Variants in GPATCH2 observed in about 807,000 individuals in gnomAD.
GPATCH2 encodes G patch domain-containing protein 2.
GPATCH2 carries 51 observed loss-of-function variants against 58.0 expected under a neutral mutation model. That is an observed-to-expected ratio of 0.88 (90% confidence interval 0.70 to 1.11). The LOEUF (loss-of-function observed/expected upper bound fraction) is 1.11, where lower values mean the gene tolerates loss of function less well. GPATCH2 is among the 50% of genes most tolerant of loss of function. GPATCH2 has a pLI of 0.00. For missense variants in GPATCH2, 625 were observed against 652.2 expected (o/e 0.96, Z 0.45); for synonymous variants, 222 against 218.5 (o/e 1.02, Z -0.14).
rs75407737 is a variant in GPATCH2 at position 217,528,372 on chromosome 1, G to A, written c.1099-13483C>T. 9.9e-3 allele frequency among the ~76,000 whole-genome samples: 1,507 copies of A among 152,088 alleles called. 15 individuals carry two copies. The highest frequency in any genetic ancestry group is 0.027 in the Middle Eastern group (8 of 294). ...TCCATATTTTTGCCTTTACTTCCTC[G>A]TTGCTTTCTAGATCCTGTATCAAGA... On this transcript the variant is annotated intron_variant, in intron 5 of 9. Transcript: ENST00000366935.
chr1:217,501,248 G>T (rs1662287331), intron 6 of GPATCH2, among the ~76,000 whole-genome samples: 1 of 152,110 alleles, frequency 6.6e-6, no homozygotes, highest in African/African-American at 2.4e-5. Flanking sequence ...TCTCTGAAAA[G>T]TCAGAGAAGT....
In GPATCH2 at chr1:217,444,775, A is replaced by G. The variant is rs74142462; in HGVS notation, c.1366+4474T>C. 2.5e-3 allele frequency among the ~76,000 whole-genome samples: 375 copies of G among 152,282 alleles called. 1 individual carries two copies. Among genetic ancestry groups the G allele is most frequent in the African/African-American group, 8.8e-3 (365 of 41,570 alleles). ...GTTTTAAAATCTTGAAAGAGCTACA[A>G]TAATCTACAGCAGCTATATGCACCC... On this transcript the variant is annotated intron_variant, in intron 9 of 9. Coordinates refer to ENST00000366935, the MANE Select transcript of GPATCH2 (RefSeq NM_018040.5).
chr1:217,569,208 C>A (rs1553342753), intron 5 of GPATCH2, among the ~76,000 whole-genome samples: 1 of 151,722 alleles, frequency 6.6e-6, no homozygotes, highest in Non-Finnish European at 1.5e-5. Context: ...TTTGGGGACA[C>A]ATGTTTTTAA....
At chr1:217,547,431 A>G (rs907903978) in intron 5 of GPATCH2, among the ~76,000 whole-genome samples, 1 of 152,158 alleles carries the variant, frequency 6.6e-6, no homozygotes, top group Admixed American at 6.5e-5. Context: ...GCGGGAGTGT[A>G]AATTAGTTCA....
chr1:217,594,705 T>C (rs1438174169), intron 5 of GPATCH2, among the ~76,000 whole-genome samples: 1 of 152,206 alleles, frequency 6.6e-6, no homozygotes, highest in Non-Finnish European at 1.5e-5. Context: ...ATGATTATAA[T>C]TGTTATAAAA....
At chr1:217,620,749 C>T (rs1242649628) in intron 1 of GPATCH2, among the ~76,000 whole-genome samples, 2 of 152,078 alleles carry the variant, frequency 1.3e-5, no homozygotes, top group Non-Finnish European at 2.9e-5. Context: ...AATGAAAGAT[C>T]CCAGTATTTT....
intron 5 of GPATCH2, among the ~76,000 whole-genome samples, chr1:217,594,701 A>G (rs954987649): frequency 2.0e-5 from 3 of 152,238 alleles, no homozygotes; most frequent in African/African-American, 7.2e-5. Context: ...ATTCATGATT[A>G]TAATTGTTAT....
At chr1:217,464,542 T>G (rs1660353791) in intron 8 of GPATCH2, among the ~76,000 whole-genome samples, 1 of 152,072 alleles carries the variant, frequency 6.6e-6, no homozygotes, top group African/African-American at 2.4e-5. Context: ...ATTAGTTGGA[T>G]CATATAAATT....
chr1:217,457,598 G>A (rs1660003479), intron 8 of GPATCH2, among the ~76,000 whole-genome samples: 1 of 151,934 alleles, frequency 6.6e-6, no homozygotes, highest in Admixed American at 6.6e-5. Flanking sequence ...CTTAGTGTAG[G>A]GTGTCACTAA....
chr1:217,611,754 T>C (rs527525009), intron 3 of GPATCH2, among the ~76,000 whole-genome samples: 1 of 152,290 alleles, frequency 6.6e-6, no homozygotes. Context: ...TTTGAAAAAG[T>C]TGATTTTAAA....
intron 5 of GPATCH2, among the ~76,000 whole-genome samples, chr1:217,551,214 T>C (rs1665344355): frequency 6.6e-6 from 1 of 151,770 alleles, no homozygotes; most frequent in Admixed American, 6.6e-5. Flanking sequence ...GTAAACAAAG[T>C]CTTTGCTCTT....
At chr1:217,627,073 T>C (rs1255077711) in intron 1 of GPATCH2, among the ~76,000 whole-genome samples, 1 of 152,118 alleles carries the variant, frequency 6.6e-6, no homozygotes, top group African/African-American at 2.4e-5. Flanking sequence ...GTTATATTCA[T>C]TAGCTATAGG....
chr1:217,497,427 A>T (rs1433749716), intron 7 of GPATCH2, among the ~76,000 whole-genome samples: 2 of 152,130 alleles, frequency 1.3e-5, no homozygotes, highest in Non-Finnish European at 1.5e-5. Context: ...TGAAAATGGA[A>T]GGTATTTCTA....
chr1:217,610,543 T>C, intron 4 of GPATCH2, 143 bp from the exon 5 acceptor site: 1 of 619,136 alleles, frequency 1.6e-6, no homozygotes, highest in South Asian at 2.1e-5. Context: ...AATGCAAAAC[T>C]CACACTTAAA....
intron 5 of GPATCH2, among the ~76,000 whole-genome samples, chr1:217,532,481 A>T (rs1664240668): frequency 6.6e-6 from 1 of 152,206 alleles, no homozygotes; most frequent in South Asian, 2.1e-4. Flanking sequence ...AGCAAGGAAG[A>T]GGAGATGTAT....
chr1:217,487,150 A>G (rs1015014915), intron 8 of GPATCH2, among the ~76,000 whole-genome samples: 1 of 152,186 alleles, frequency 6.6e-6, no homozygotes, highest in African/African-American at 2.4e-5. Flanking sequence ...CCTGCTTTAC[A>G]TACACAAGTT....
chr1:217,624,321 C>A (rs529671303), intron 1 of GPATCH2, among the ~76,000 whole-genome samples: 1 of 152,300 alleles, frequency 6.6e-6, no homozygotes, highest in African/African-American at 2.4e-5. Flanking sequence ...AGTTCAAGAC[C>A]AGCTTGGCCA....
At chr1:217,431,676 G>A (rs76464996) in intron 9 of GPATCH2, among the ~76,000 whole-genome samples, 1,887 of 152,282 alleles carry the variant, frequency 0.012, 15 homozygotes, top group Middle Eastern at 0.054. Flanking sequence ...TTGTAGGACA[G>A]ATGAGATCAT....
chr1:217,579,589 T>C (rs890557415), intron 5 of GPATCH2, among the ~76,000 whole-genome samples: 17 of 152,152 alleles, frequency 1.1e-4, no homozygotes, highest in African/African-American at 3.6e-4. Context: ...TGTTCAGACA[T>C]AACATTGGGG....
Sources: gnomAD v4.1 joint callset for allele counts (sites outside exome capture counted in the v4.1 genomes callset) on GRCh38, gnomAD v4.1.1 for gene constraint, MANE v1.5 for transcripts, NCBI Gene and HGNC (gene_info 2026-07-23, HGNC 2026-07-21) for gene names.